Variants in USH2A observed in about 807,000 individuals in gnomAD.
The protein encoded by USH2A is Usher syndrome 2A (autosomal recessive, mild).
Under a neutral mutation model 538.9 loss-of-function variants are expected in USH2A, and 443 were observed. The ratio of observed to expected loss-of-function variants is 0.82; its 90% CI spans 0.76 to 0.89. The LOEUF (loss-of-function observed/expected upper bound fraction) is 0.89. USH2A is among the 40% of genes least tolerant of loss of function. The pLI is 0.00. For missense variants in USH2A, 6,633 were observed against 6,324.8 expected (o/e 1.05, Z -1.65); for synonymous variants, 2,413 against 2,273.5 (o/e 1.06, Z -1.75).
intron 61 of USH2A, among the ~76,000 whole-genome samples, chr1:215,695,750 T>C (rs926137664): frequency 6.6e-6 from 1 of 151,832 alleles, no homozygotes; most frequent in Non-Finnish European, 1.5e-5. Context: ...TTTTTGTTTG[T>C]TTGTTTGTTT....
At chr1:215,949,185 A>C (rs191630150) in intron 37 of USH2A, among the ~76,000 whole-genome samples, 3 of 152,236 alleles carry the variant, frequency 2.0e-5, no homozygotes, top group Non-Finnish European at 2.9e-5. Flanking sequence ...TATTATAATA[A>C]AAATAAATGA....
At chr1:215,863,396 A>G (rs993683965) in intron 44 of USH2A, among the ~76,000 whole-genome samples, 17 of 152,290 alleles carry the variant, frequency 1.1e-4, no homozygotes, top group African/African-American at 4.1e-4. Context: ...AGAAGAGATG[A>G]GATTTGGAAT....
intron 27 of USH2A, 119 bp downstream of exon 27, chr1:216,077,970 G>T (rs1335780427): frequency 8.1e-7 from 1 of 1,232,038 alleles, no homozygotes; most frequent in Non-Finnish European, 1.2e-6. Context: ...CAGAAAAAGA[G>T]ATGCTGTTGG....
intron 60 of USH2A, among the ~76,000 whole-genome samples, chr1:215,737,690 C>T (rs1228927852): frequency 6.6e-6 from 1 of 151,884 alleles, no homozygotes; most frequent in Non-Finnish European, 1.5e-5. Flanking sequence ...CTGTCTGTAT[C>T]TATCTATATA....
At chr1:215,856,470 G>C (rs1225605526) in intron 44 of USH2A, among the ~76,000 whole-genome samples, 1 of 152,122 alleles carries the variant, frequency 6.6e-6, no homozygotes, top group Non-Finnish European at 1.5e-5. Context: ...CTAATGATCA[G>C]GGAAATGCAA....
intron 21 of USH2A, among the ~76,000 whole-genome samples, chr1:216,126,607 T>C (rs539936140): frequency 7.9e-5 from 12 of 152,194 alleles, no homozygotes; most frequent in African/African-American, 2.9e-4. Flanking sequence ...CCCATTTGTA[T>C]GTAAAAAGCA....
intron 40 of USH2A, among the ~76,000 whole-genome samples, chr1:215,892,208 G>C (rs1665227190): frequency 6.6e-6 from 1 of 152,122 alleles, no homozygotes; most frequent in African/African-American, 2.4e-5. Flanking sequence ...CACAACTTGA[G>C]TGTGTATATA....
intron 14 of USH2A, among the ~76,000 whole-genome samples, chr1:216,226,800 C>T (rs2035570916): frequency 6.6e-6 from 1 of 152,166 alleles, no homozygotes; most frequent in Admixed American, 6.6e-5. Flanking sequence ...TGTCTTTCTT[C>T]CTTGTGGTCT....
chr1:215,685,225 G>T (rs1210134663), intron 61 of USH2A, among the ~76,000 whole-genome samples: 1 of 151,878 alleles, frequency 6.6e-6, no homozygotes, highest in East Asian at 1.9e-4. Context: ...TTGAGGCGTG[G>T]ATTCTGCAGG....
chr1:215,741,375 C>T lies in USH2A; in HGVS notation c.11711G>A (p.Arg3904Lys), dbSNP rs182741276. The T allele has an allele frequency of 4.2e-5, 68 of 1,613,348 alleles. No individual in the cohort carries two copies. The highest frequency in any genetic ancestry group is 6.7e-5 in the Admixed American group (4 of 59,994). The change falls in exon 60 of 72, where the codon AGA becomes AAA. Residue 3904 changes from arginine (R) to lysine (K), a missense_variant and splice_region_variant. By Grantham distance (26) the Arg-to-Lys change is conservative. Coordinates refer to ENST00000307340, the MANE Select transcript of USH2A (RefSeq NM_206933.4). ...NGIIINYFIY[R>K]RPAGIEEESV... ...AAATAATAGTAACAGCCAATCTTAC[C>T]TGTAAATAAAGTAGTTGATGATGAT... is the stretch of plus-strand genomic sequence containing the variant.
intron 64 of USH2A, among the ~76,000 whole-genome samples, chr1:215,663,619 T>C (rs565544177): frequency 1.3e-5 from 2 of 152,284 alleles, no homozygotes; most frequent in East Asian, 1.9e-4. Context: ...CGACCACACC[T>C]GCTCAATCAT....
intron 3 of USH2A, among the ~76,000 whole-genome samples, chr1:216,382,493 C>A (rs1323012682): frequency 6.6e-6 from 1 of 152,130 alleles, no homozygotes; most frequent in Non-Finnish European, 1.5e-5. Context: ...GTTGTCAGAG[C>A]TAAGTCATTA....
At position 215,961,851 on chromosome 1, in the gene USH2A, T is replaced by C. The variant is rs1329955661; in HGVS notation, c.7120+3466A>G. Among the ~76,000 whole-genome samples the C allele has an allele frequency of 3.9e-5, 6 of 151,970 alleles. No individual in the cohort carries two copies. The East Asian group carries it at 9.7e-4, about 24-fold the overall frequency. On this transcript the variant is annotated intron_variant, in intron 37 of 71. Transcript: ENST00000307340. ...ACCCATACATGACATATTATATCAGTATAAATTTCAGATGAACTGAATATA... is the reference window on the plus strand; with the variant it reads ...ACCCATACATGACATATTATATCAGCATAAATTTCAGATGAACTGAATATA...
At position 215,888,702 on chromosome 1, in the gene USH2A, G is replaced by GT. The variant is rs1174624675; in HGVS notation, c.7946dup (p.His2649GlnfsTer12). 3.1e-6 allele frequency: 5 copies of GT among 1,614,186 alleles called. No homozygotes were observed. The South Asian group carries it at 4.4e-5, about 14-fold the overall frequency. Reference sequence around the variant, plus strand: ...TGAAATTCTCCACCAAGCCATTGGGGTGGGTAGGGGGTTGCCAAGATATAA... The same window carrying GT: ...TGAAATTCTCCACCAAGCCATTGGGGTTGGGTAGGGGGTTGCCAAGATATAA... On this transcript the variant is annotated frameshift_variant, in exon 41 of 72. Coordinates refer to ENST00000307340, the MANE Select transcript of USH2A (RefSeq NM_206933.4). LOFTEE classifies it high-confidence loss of function.
chr1:216,146,045 C>G (rs897954576), intron 21 of USH2A, among the ~76,000 whole-genome samples: 5 of 152,176 alleles, frequency 3.3e-5, no homozygotes, highest in Non-Finnish European at 5.9e-5. Flanking sequence ...CACACGGACG[C>G]GCATGAAATT....
At chr1:215,882,481 A>G (rs1664937522) in intron 41 of USH2A, among the ~76,000 whole-genome samples, 2 of 152,198 alleles carry the variant, frequency 1.3e-5, no homozygotes. Flanking sequence ...CTTAATTTTT[A>G]ATTTCAAATA....
intron 21 of USH2A, among the ~76,000 whole-genome samples, chr1:216,131,666 C>A (rs764468010): frequency 2.0e-5 from 3 of 152,002 alleles, no homozygotes; most frequent in Non-Finnish European, 4.4e-5. Context: ...TACCCTTTGA[C>A]TTTTCATCTT....
At chr1:216,319,993 T>G (rs2037575836) in intron 9 of USH2A, among the ~76,000 whole-genome samples, 1 of 152,208 alleles carries the variant, frequency 6.6e-6, no homozygotes, top group Non-Finnish European at 1.5e-5. Context: ...GAGACAGTGC[T>G]ACCATCTGAA....
At chr1:215,736,774 G>T (rs988046138) in intron 60 of USH2A, among the ~76,000 whole-genome samples, 12 of 151,798 alleles carry the variant, frequency 7.9e-5, no homozygotes, top group African/African-American at 2.9e-4. Flanking sequence ...ATCAAAACTT[G>T]AATTAAAACA....
Sources: gnomAD v4.1 joint callset for allele counts (sites outside exome capture counted in the v4.1 genomes callset) on GRCh38, gnomAD v4.1.1 for gene constraint, MANE v1.5 for transcripts, NCBI Gene and HGNC (gene_info 2026-07-23, HGNC 2026-07-21) for gene names.